Variants in NCAM1 observed in about 807,000 individuals in gnomAD.
NCAM1 encodes neural cell adhesion molecule 1.
A neutral mutation model predicts 109.8 loss-of-function variants in NCAM1; 14 were observed. The ratio of observed to expected loss-of-function variants is 0.13; its 90% CI spans 0.08 to 0.20. NCAM1 has a LOEUF of 0.20. Among genes scored for constraint, NCAM1 ranks in the 10% least tolerant of loss-of-function variants. The probability of loss-of-function intolerance (pLI) is 1.00; values close to 1 mark genes in which losing one functional copy is unlikely to be tolerated. For missense variants in NCAM1, 774 were observed against 1,109.9 expected (o/e 0.70, Z 4.30); for synonymous variants, 418 against 442.9 (o/e 0.94, Z 0.70).
rs562706428 is a variant in NCAM1 at position 113,263,625 on chromosome 11, A to G, written c.2131+3302A>G. 6 of 985,568 alleles carry G rather than the reference A, an allele frequency of 6.1e-6. No homozygotes were observed. The Admixed American group carries it at 2.5e-4, about 40-fold the overall frequency. 61.1% of individuals were successfully genotyped at this position (985,568 alleles called of 1,614,324 possible). ...CTGTCTCTGTGAACGGGGCCAAGCCATGATGTGCCAACAAGTGTCAGCTTT... is the reference window on the plus strand; with the variant it reads ...CTGTCTCTGTGAACGGGGCCAAGCCGTGATGTGCCAACAAGTGTCAGCTTT... On this transcript the variant is annotated intron_variant, in intron 17 of 19. Transcript: ENST00000316851.
intron 1 of NCAM1, among the ~76,000 whole-genome samples, chr11:113,139,072 G>T (rs1375383036): frequency 5.9e-5 from 9 of 152,214 alleles, no homozygotes; most frequent in African/African-American, 2.2e-4. Context: ...AGACAATAGG[G>T]TTGCTGTTTC....
intron 1 of NCAM1, among the ~76,000 whole-genome samples, chr11:113,070,201 T>A (rs1427437862): frequency 1.3e-5 from 2 of 151,996 alleles, no homozygotes; most frequent in African/African-American, 4.8e-5. Flanking sequence ...CTGAATGACG[T>A]GATTATGCTT....
chr11:113,027,758 G>A (rs1268833391), intron 1 of NCAM1, among the ~76,000 whole-genome samples: 1 of 152,176 alleles, frequency 6.6e-6, no homozygotes, highest in African/African-American at 2.4e-5. Flanking sequence ...ACTCCCATGA[G>A]CTAACTTTTC....
intron 1 of NCAM1, among the ~76,000 whole-genome samples, chr11:113,003,639 T>C (rs782767184): frequency 3.3e-5 from 5 of 152,244 alleles, no homozygotes; most frequent in Non-Finnish European, 5.9e-5. Flanking sequence ...TTTGGATTAG[T>C]GCTTTCTGCT....
chr11:113,232,890 G>C lies in NCAM1; in HGVS notation c.1522+76G>C, dbSNP rs994883810. 1.7e-5 allele frequency: 23 copies of C among 1,318,924 alleles called. No homozygotes were observed. The East Asian group carries it at 5.1e-4, about 29-fold the overall frequency. 81.7% of individuals were successfully genotyped at this position (1,318,924 alleles called of 1,614,324 possible). On this transcript the variant is annotated intron_variant, in intron 12 of 19. Coordinates refer to ENST00000316851, the MANE Select transcript of NCAM1 (RefSeq NM_181351.5). ...CCCTGCCAGCCCAATTTGTGTACTTGAGTGATTCCAGGATATTGGGAAGAA... is the reference window on the plus strand; with the variant it reads ...CCCTGCCAGCCCAATTTGTGTACTTCAGTGATTCCAGGATATTGGGAAGAA...
At chr11:112,993,465 A>G (rs139106130) in intron 1 of NCAM1, among the ~76,000 whole-genome samples, 2 of 152,328 alleles carry the variant, frequency 1.3e-5, no homozygotes, top group Admixed American at 6.5e-5. Flanking sequence ...ATAATTCAAC[A>G]TAAGATTTGG....
rs1944684355 is a variant in NCAM1, at chr11:113,221,245, T to C, written c.1060-51T>C. On this transcript the variant is annotated intron_variant, in intron 8 of 19. Transcript: ENST00000316851. ...GTGATACATTCTCTAAAGCAACATG[T>C]TGTAAAATTTTACTGCTTTCTTGTT... 5.8e-6 allele frequency: 9 copies of C among 1,542,718 alleles called. No homozygotes were observed. In the South Asian group the frequency reaches 8.4e-5, roughly 14 times the overall value.
At chr11:113,022,189 A>G (rs1050787327) in intron 1 of NCAM1, among the ~76,000 whole-genome samples, 1 of 152,230 alleles carries the variant, frequency 6.6e-6, no homozygotes, top group Non-Finnish European at 1.5e-5. Context: ...TGCACTCAAT[A>G]CAAACACCTC....
chr11:113,153,473 A>T (rs978359031), intron 1 of NCAM1, among the ~76,000 whole-genome samples: 6 of 148,748 alleles, frequency 4.0e-5, no homozygotes, highest in African/African-American at 1.2e-4. Flanking sequence ...AGAGAGAGAG[A>T]GAGTGTGTGT....
At chr11:113,054,896 A>G (rs887454971) in intron 1 of NCAM1, among the ~76,000 whole-genome samples, 7 of 152,198 alleles carry the variant, frequency 4.6e-5, no homozygotes, top group African/African-American at 1.7e-4. Flanking sequence ...CTTTAAAGGC[A>G]GGATATGGGA....
chr11:113,046,025 C>G (rs1555080741), intron 1 of NCAM1, among the ~76,000 whole-genome samples: 1 of 152,036 alleles, frequency 6.6e-6, no homozygotes. Context: ...ACTCTGTTCC[C>G]TTTAACAGCA....
intron 1 of NCAM1, among the ~76,000 whole-genome samples, chr11:113,122,737 T>C (rs1941019912): frequency 6.6e-6 from 1 of 152,124 alleles, no homozygotes. Context: ...TGAGCCGAGA[T>C]TGCACCGTTG....
intron 1 of NCAM1, among the ~76,000 whole-genome samples, chr11:113,025,263 G>A (rs1952501284): frequency 6.6e-6 from 1 of 152,096 alleles, no homozygotes; most frequent in Non-Finnish European, 1.5e-5. Context: ...TGGAAACAAG[G>A]TCTTGCTCAT....
At chr11:113,111,952 A>C (rs1555093797) in intron 1 of NCAM1, among the ~76,000 whole-genome samples, 1 of 152,196 alleles carries the variant, frequency 6.6e-6, no homozygotes, top group East Asian at 1.9e-4. Context: ...TCTTATTTTT[A>C]AGCTTTATTG....
At chr11:113,036,857 T>C (rs1296142252) in intron 1 of NCAM1, among the ~76,000 whole-genome samples, 1 of 152,192 alleles carries the variant, frequency 6.6e-6, no homozygotes, top group Non-Finnish European at 1.5e-5. Flanking sequence ...CACATCTGAA[T>C]TCTGGTGCCT....
chr11:113,125,108 A>C (rs1941123903), intron 1 of NCAM1, among the ~76,000 whole-genome samples: 1 of 152,228 alleles, frequency 6.6e-6, no homozygotes, highest in African/African-American at 2.4e-5. Context: ...AGAGCAATAT[A>C]GGATGCCACC....
intron 1 of NCAM1, among the ~76,000 whole-genome samples, chr11:113,042,210 G>A (rs1953103673): frequency 6.6e-6 from 1 of 152,080 alleles, no homozygotes; most frequent in East Asian, 1.9e-4. Flanking sequence ...CCCTCCCCTT[G>A]CTCCTTTGTC....
At chr11:113,021,005 C>T (rs1411839176) in intron 1 of NCAM1, among the ~76,000 whole-genome samples, 1 of 152,198 alleles carries the variant, frequency 6.6e-6, no homozygotes, top group Middle Eastern at 3.2e-3. Flanking sequence ...GATCTGCCCC[C>T]ATCGGCCTCC....
chr11:113,080,241 C>T (rs1255435220), intron 1 of NCAM1, among the ~76,000 whole-genome samples: 6 of 151,964 alleles, frequency 3.9e-5, no homozygotes, highest in South Asian at 2.1e-4. Flanking sequence ...TTCAAGTGCC[C>T]GCTACAGAAA....
Sources: gnomAD v4.1 joint callset for allele counts (sites outside exome capture counted in the v4.1 genomes callset) on GRCh38, gnomAD v4.1.1 for gene constraint, MANE v1.5 for transcripts, NCBI Gene and HGNC (gene_info 2026-07-23, HGNC 2026-07-21) for gene names.